Variants in ERICH3 observed in about 807,000 individuals in gnomAD.
The protein encoded by ERICH3 is glutamate rich 3.
A neutral mutation model predicts 131.1 loss-of-function variants in ERICH3; 126 were observed. The ratio of observed to expected loss-of-function variants is 0.96; its 90% CI spans 0.83 to 1.11. The LOEUF (loss-of-function observed/expected upper bound fraction) is 1.11, where lower values mean the gene tolerates loss of function less well. ERICH3 is among the 50% of genes most tolerant of loss of function. The pLI, the probability that ERICH3 is intolerant of heterozygous loss-of-function variation, is 0.00. For synonymous variants in ERICH3, 695 were observed against 644.6 expected, an observed-to-expected ratio of 1.08 and a Z score of -1.18; for missense variants, 2,050 against 1,810.7, an observed-to-expected ratio of 1.13 and a Z score of -2.40.
intron 11 of ERICH3, among the ~76,000 whole-genome samples, chr1:74,593,832 T>C (rs777301169): frequency 6.6e-6 from 1 of 152,116 alleles, no homozygotes; most frequent in Non-Finnish European, 1.5e-5. Context: ...CAAGTTTTTG[T>C]AAATGCTTCT....
chr1:74,654,795 A>G (rs2100647742), intron 1 of ERICH3, among the ~76,000 whole-genome samples: 1 of 152,262 alleles, frequency 6.6e-6, no homozygotes, highest in East Asian at 1.9e-4. Context: ...GATGAGAAAA[A>G]CAAGCCTTAG....
intron 1 of ERICH3, among the ~76,000 whole-genome samples, chr1:74,664,582 C>G (rs1201682886): frequency 1.3e-5 from 2 of 152,034 alleles, no homozygotes; most frequent in African/African-American, 4.8e-5. Flanking sequence ...AATTTAAAAT[C>G]CTTAGTTTTT....
intron 12 of ERICH3, among the ~76,000 whole-genome samples, chr1:74,582,469 GA>G (rs1020234929): frequency 1.3e-5 from 2 of 151,464 alleles, no homozygotes; most frequent in African/African-American, 2.4e-5. Context: ...ATACAACAGG[GA>G]AAAAAAATCA....
chr1:74,607,618 T>C lies in ERICH3; in HGVS notation c.1188-716A>G, dbSNP rs563393612. ...ACTACAGTCTTCTGGTGATTTTTGCTGGTAATAAGTTCTTATTCCTCAAAA... is the reference window on the plus strand; with the variant it reads ...ACTACAGTCTTCTGGTGATTTTTGCCGGTAATAAGTTCTTATTCCTCAAAA... On this transcript the variant is annotated intron_variant, in intron 9 of 14. Coordinates refer to ENST00000326665, the MANE Select transcript of ERICH3 (RefSeq NM_001002912.5). Among the ~76,000 whole-genome samples the C allele has an allele frequency of 4.6e-5, 7 of 152,140 alleles. No individual in the cohort carries two copies. The South Asian group carries it at 1.5e-3, about 32-fold the overall frequency.
Position 74,569,595 on chromosome 1 carries a change from T to A in ERICH3, c.*863A>T, listed in dbSNP as rs1173224938. The A allele has an allele frequency of 6.6e-6, 1 of 152,202 alleles. No homozygotes were observed. The highest frequency in any genetic ancestry group is 1.5e-5 in the Non-Finnish European group (1 of 68,026). The allele number at this position is 152,202 out of a possible 1,614,324, so 9.4% of individuals were successfully genotyped here. A position where few individuals can be genotyped will look rare whatever the true frequency, so the allele number is the denominator to read the frequency against. On this transcript the variant is annotated 3_prime_UTR_variant, in exon 15 of 15. Transcript: ENST00000326665. ...TTCTTTTCCATTTAATGACATCAAC[T>A]AAAGAGTCTAGAATGTTGGCATAAT...
At chr1:74,575,633 G>C in intron 13 of ERICH3, among the ~76,000 whole-genome samples, 1 of 152,174 alleles carries the variant, frequency 6.6e-6, no homozygotes, top group Non-Finnish European at 1.5e-5. Flanking sequence ...CTGCATGAAA[G>C]TATACTAAAA....
At chr1:74,649,957 T>C (rs1570907898) in intron 1 of ERICH3, among the ~76,000 whole-genome samples, 1 of 152,088 alleles carries the variant, frequency 6.6e-6, no homozygotes, top group Admixed American at 6.6e-5. Context: ...CATCACATAA[T>C]ATGTAATTGT....
At position 74,673,677 on chromosome 1, in the gene ERICH3, G is replaced by A. The variant is rs1434680858; in HGVS notation, c.-158C>T. ...GGCTGGGCCGCCGCCGCCCCTGGGC[G>A]CCCGGGCTACCCGCAGCCTCCCGGG... On this transcript the variant is annotated 5_prime_UTR_variant, in exon 1 of 15. Coordinates refer to ENST00000326665, the MANE Select transcript of ERICH3 (RefSeq NM_001002912.5). 8 of 610,764 alleles carry A rather than the reference G, an allele frequency of 1.3e-5. No homozygotes were observed. The highest frequency in any genetic ancestry group is 1.8e-5 in the Non-Finnish European group (7 of 396,868). The allele number at this position is 610,764 out of a possible 1,614,324, so 37.8% of individuals were successfully genotyped here.
intron 11 of ERICH3, among the ~76,000 whole-genome samples, chr1:74,597,158 C>T (rs1469092469): frequency 6.6e-6 from 1 of 152,084 alleles, no homozygotes. Context: ...AGGAATCCAT[C>T]ATGTCATTAT....
At chr1:74,629,633 C>T (rs533241440) in intron 7 of ERICH3, among the ~76,000 whole-genome samples, 1 of 152,286 alleles carries the variant, frequency 6.6e-6, no homozygotes, top group East Asian at 1.9e-4. Context: ...TGCTGGACAT[C>T]CAGTGTCTGG....
intron 10 of ERICH3, among the ~76,000 whole-genome samples, chr1:74,600,513 G>T (rs1570848750): frequency 6.6e-6 from 1 of 151,758 alleles, no homozygotes; most frequent in Non-Finnish European, 1.5e-5. Context: ...GAAATCATAT[G>T]CATTATTCAT....
At chr1:74,644,915 G>T (rs554802179) in intron 3 of ERICH3, among the ~76,000 whole-genome samples, 8 of 152,104 alleles carry the variant, frequency 5.3e-5, no homozygotes, top group African/African-American at 1.9e-4. Context: ...CCAGAGACTG[G>T]GTACCAACTT....
chr1:74,671,614 T>G (rs72675369), intron 1 of ERICH3, among the ~76,000 whole-genome samples: 2,890 of 152,268 alleles, frequency 0.019, 36 homozygotes, highest in Non-Finnish European at 0.031. Flanking sequence ...CAATAAGTCC[T>G]CAAATTCCTT....
intron 12 of ERICH3, chr1:74,578,161 T>C (rs1647103642): frequency 6.6e-6 from 1 of 152,552 alleles, no homozygotes; most frequent in Non-Finnish European, 1.5e-5. Context: ...TTGGTTTATC[T>C]GTCTGTCAAA....
intron 9 of ERICH3, among the ~76,000 whole-genome samples, chr1:74,611,456 C>T (rs1214788743): frequency 6.6e-6 from 1 of 152,090 alleles, no homozygotes; most frequent in Non-Finnish European, 1.5e-5. Context: ...CCCCACACAC[C>T]CTTGTTTATT....
At chr1:74,669,736 T>C (rs935818079) in intron 1 of ERICH3, among the ~76,000 whole-genome samples, 5 of 152,216 alleles carry the variant, frequency 3.3e-5, no homozygotes, top group African/African-American at 1.2e-4. Context: ...TAACTCTATC[T>C]GAACAAAGCC....
intron 11 of ERICH3, among the ~76,000 whole-genome samples, chr1:74,596,023 CT>C (rs760843805): frequency 2.3e-4 from 35 of 152,158 alleles, no homozygotes; most frequent in Admixed American, 5.2e-4. Context: ...GCCTACACCC[CT>C]ATACTTCTTT....
chr1:74,630,707 T>G (rs935106196), intron 7 of ERICH3, among the ~76,000 whole-genome samples: 3 of 151,822 alleles, frequency 2.0e-5, no homozygotes, highest in African/African-American at 7.3e-5. Flanking sequence ...CTGGATATGT[T>G]GAGAGACAGA....
At chr1:74,646,925 A>AAG (rs1302428841) in intron 2 of ERICH3, 133 bp from the exon 3 acceptor site, 10 of 265,392 alleles carry the variant, frequency 3.8e-5, no homozygotes, top group Admixed American at 6.1e-5. Flanking sequence ...CAGAGAGAGA[A>AAG]AGAGAGAGAG....
Sources: gnomAD v4.1 joint callset for allele counts (sites outside exome capture counted in the v4.1 genomes callset) on GRCh38, gnomAD v4.1.1 for gene constraint, MANE v1.5 for transcripts, NCBI Gene and HGNC (gene_info 2026-07-23, HGNC 2026-07-21) for gene names.